The following ARHGEF18 variants were observed in gnomAD, a reference collection of about 807,000 sequenced individuals.
The protein encoded by ARHGEF18 is rho guanine nucleotide exchange factor 18.
ARHGEF18 carries 93 observed loss-of-function variants against 155.7 expected under a neutral mutation model. The ratio of observed to expected loss-of-function variants is 0.60; its 90% CI spans 0.50 to 0.71. The LOEUF (loss-of-function observed/expected upper bound fraction) is 0.71, where lower values mean the gene tolerates loss of function less well. Ranked by LOEUF, ARHGEF18 falls within the 30% of genes least tolerant of loss-of-function variation. ARHGEF18 has a pLI of 0.00. For missense variants in ARHGEF18, 1,593 were observed against 1,816.1 expected (o/e 0.88, Z 2.23); for synonymous variants, 742 against 753.1 (o/e 0.99, Z 0.24).
At chr19:7,420,709 C>T (rs561193805) in intron 10 of ARHGEF18, among the ~76,000 whole-genome samples, 88 of 152,282 alleles carry the variant, frequency 5.8e-4, no homozygotes, top group African/African-American at 1.6e-3. Context: ...TGGCAGGCAG[C>T]GATGGCACAC....
chr19:7,470,631 C>T lies in ARHGEF18; in HGVS notation c.*333C>T, dbSNP rs1976969515. 2.5e-6 allele frequency: 1 copy of T among 397,442 alleles called. No homozygotes were observed. Among genetic ancestry groups the T allele is most frequent in the Admixed American group, 4.4e-5 (1 of 22,684 alleles). The allele number at this position is 397,442 out of a possible 1,614,324, so 24.6% of individuals were successfully genotyped here. ...GGGTGGCGGGGAGATCAACTCCGAG[C>T]TGTTTTTCCGAGGCAGTGAGGAACG... On this transcript the variant is annotated 3_prime_UTR_variant, in exon 29 of 29. Coordinates refer to ENST00000668164, the MANE Select transcript of ARHGEF18 (RefSeq NM_001367823.1). The surrounding 1 kb of genome is among the most constrained non-coding windows in gnomAD (Gnocchi z 5.9).
intron 10 of ARHGEF18, among the ~76,000 whole-genome samples, chr19:7,402,354 G>A (rs1216669874): frequency 6.6e-6 from 1 of 152,168 alleles, no homozygotes; most frequent in Non-Finnish European, 1.5e-5. Flanking sequence ...CAGAGACGGA[G>A]GTTGCAGTGA....
chr19:7,349,668 C>T (rs999052384), intron 1 of ARHGEF18, among the ~76,000 whole-genome samples: 1 of 152,052 alleles, frequency 6.6e-6, no homozygotes, highest in Admixed American at 6.6e-5. Context: ...ATCTCAGCTA[C>T]TCGGGAGGCT....
At chr19:7,354,354 C>T (rs1024464706) in intron 1 of ARHGEF18, among the ~76,000 whole-genome samples, 1 of 151,940 alleles carries the variant, frequency 6.6e-6, no homozygotes, top group African/African-American at 2.4e-5. Flanking sequence ...GCCTGTTATC[C>T]CAGCACTTTG....
chr19:7,467,014 C>T, intron 24 of ARHGEF18, 40 bp downstream of exon 24: 1 of 1,612,888 alleles, frequency 6.2e-7, no homozygotes, highest in Non-Finnish European at 8.5e-7. Flanking sequence ...GGGCCTTGTG[C>T]ACGCGCGTGT....
rs1976400382 is a variant in ARHGEF18 at position 7,463,235 on chromosome 19, T to G, written c.2636-583T>G. Among the ~76,000 whole-genome samples, 1 of 152,152 alleles carries G rather than the reference T, an allele frequency of 6.6e-6. No homozygotes were observed. Among genetic ancestry groups the G allele is most frequent in the African/African-American group, 2.4e-5 (1 of 41,436 alleles). ...AGAGACGGGGGTCAGTCTTTCTCCC[T>G]CCAGGCCCACTGACATCCTTCCACC... On this transcript the variant is annotated intron_variant, in intron 21 of 28. Transcript: ENST00000668164. This position sits in a 1 kb window ranked among gnomAD's most constrained non-coding sequence, Gnocchi z 5.2.
chr19:7,438,120 C>T lies in ARHGEF18; in HGVS notation c.968-2224C>T, dbSNP rs180755846. The stretch of plus-strand genomic sequence containing the variant: ...CTCCCTTCTCCTCCCCTCTTCTTTT[C>T]GAGAAGGTCCCGCTCTGTCACCCAG... On this transcript the variant is annotated intron_variant, in intron 10 of 28. Coordinates refer to ENST00000668164, the MANE Select transcript of ARHGEF18 (RefSeq NM_001367823.1). Among the ~76,000 whole-genome samples, 1,100 of 132,538 alleles carry T rather than the reference C, an allele frequency of 8.3e-3. 18 individuals carry two copies. The highest frequency in any genetic ancestry group is 0.029 in the African/African-American group (1,050 of 35,890). 87.0% of individuals were successfully genotyped at this position (132,538 alleles called of 152,430 possible).
In ARHGEF18 at chr19:7,462,418, T is replaced by G; in HGVS notation, c.2635+84T>G. 8 of 1,418,242 alleles carry G rather than the reference T, an allele frequency of 5.6e-6. No homozygotes were observed. Among genetic ancestry groups the G allele is most frequent in the Non-Finnish European group, 7.4e-6 (8 of 1,074,308 alleles). 87.9% of individuals were successfully genotyped at this position (1,418,242 alleles called of 1,614,324 possible). On this transcript the variant is annotated intron_variant, in intron 21 of 28. Coordinates refer to ENST00000668164, the MANE Select transcript of ARHGEF18 (RefSeq NM_001367823.1). The surrounding 1 kb of genome is among the most constrained non-coding windows in gnomAD (Gnocchi z 4.4). ...ACCCCAGGCCAGGCTCACGGCTCATTGTGGCCGACACGGCACCCTGTCCAG... is the reference window on the plus strand; with the variant it reads ...ACCCCAGGCCAGGCTCACGGCTCATGGTGGCCGACACGGCACCCTGTCCAG...
downstream of ARHGEF18, chr19:7,477,091 T>C: frequency 9.6e-7 from 1 of 1,046,582 alleles, no homozygotes; most frequent in Non-Finnish European, 1.3e-6. Flanking sequence ...TGCCCATGGG[T>C]TTCACCACAG....
chr19:7,450,512 T>TTTCC (rs1444179408), intron 15 of ARHGEF18, among the ~76,000 whole-genome samples: 3 of 152,208 alleles, frequency 2.0e-5, no homozygotes, highest in Non-Finnish European at 2.9e-5. Flanking sequence ...GGGATCTTGC[T>TTTCC]GTCCATTTCC....
At position 7,462,330 on chromosome 19, in the gene ARHGEF18, C is replaced by T. The variant is rs2303140; in HGVS notation, c.2631C>T (p.Ser877=). The T allele has an allele frequency of 2.0e-3, 3,109 of 1,588,368 alleles. 82 individuals are homozygous for T. The Admixed American group carries it at 0.041, about 21-fold the overall frequency. Residue 877 remains serine, a synonymous_variant, in exon 21 of 29, where the codon AGC becomes AGT. Coordinates refer to ENST00000668164, the MANE Select transcript of ARHGEF18 (RefSeq NM_001367823.1). This position sits in a 1 kb window ranked among gnomAD's most constrained non-coding sequence, Gnocchi z 4.4. ...AGCTAATTCTCAAGTCGGCCATGAG[C>T]GAGAGTAAGTTGGCTGCCCACACCT... ...QGELILKSAM[S]EIEGIQSLIC...
At chr19:7,422,597 G>A (rs1973420153) in intron 10 of ARHGEF18, among the ~76,000 whole-genome samples, 1 of 151,758 alleles carries the variant, frequency 6.6e-6, no homozygotes, top group Non-Finnish European at 1.5e-5. Flanking sequence ...CCCACTATTG[G>A]CGATCCCATC....
intron 10 of ARHGEF18, among the ~76,000 whole-genome samples, chr19:7,397,906 G>T (rs1298166351): frequency 6.6e-6 from 1 of 152,066 alleles, no homozygotes; most frequent in East Asian, 1.9e-4. Flanking sequence ...AGATAACAGT[G>T]TATGTATTTA....
At chr19:7,409,314 C>A (rs1430159256) in intron 10 of ARHGEF18, among the ~76,000 whole-genome samples, 1 of 128,382 alleles carries the variant, frequency 7.8e-6, no homozygotes, top group Non-Finnish European at 1.6e-5. Flanking sequence ...CGCGTCCGGC[C>A]GACCCTGTTT....
At chr19:7,445,959 C>CT (rs35173328) in intron 14 of ARHGEF18, among the ~76,000 whole-genome samples, 2 of 152,056 alleles carry the variant, frequency 1.3e-5, no homozygotes, top group East Asian at 1.9e-4. Context: ...CTGAAATTTA[C>CT]TTTTTTTCTC....
intron 17 of ARHGEF18, among the ~76,000 whole-genome samples, chr19:7,455,477 T>C (rs1182799683): frequency 6.6e-6 from 1 of 152,118 alleles, no homozygotes; most frequent in East Asian, 1.9e-4. Flanking sequence ...CAGGAAGCCT[T>C]ACAGCACGAG....
At chr19:7,438,701 G>A (rs935313466) in intron 10 of ARHGEF18, among the ~76,000 whole-genome samples, 2 of 151,952 alleles carry the variant, frequency 1.3e-5, no homozygotes, top group Admixed American at 6.6e-5. Context: ...ATGAGCCACC[G>A]TGTCCGGCCG....
At chr19:7,359,899 A>C (rs1421088703) in intron 1 of ARHGEF18, among the ~76,000 whole-genome samples, 1 of 152,176 alleles carries the variant, frequency 6.6e-6, no homozygotes, top group African/African-American at 2.4e-5. Flanking sequence ...TCATGCCTGT[A>C]ATCCCAGCAC....
intron 10 of ARHGEF18, among the ~76,000 whole-genome samples, chr19:7,436,412 G>A (rs376094717): frequency 3.7e-4 from 57 of 152,036 alleles, no homozygotes; most frequent in African/African-American, 1.3e-3. Flanking sequence ...GAGTAGCTGT[G>A]ATTACAGGTG....
Sources: allele counts gnomAD v4.1 joint callset (sites outside exome capture counted in the v4.1 genomes callset), GRCh38; gene constraint gnomAD v4.1.1; non-coding constraint Gnocchi (gnomAD v3.1); transcripts MANE v1.5; gene names NCBI Gene and HGNC (gene_info 2026-07-23, HGNC 2026-07-21).